NRG1: variants seen among roughly 807,000 people sequenced by gnomAD.
The protein encoded by NRG1 is pro-neuregulin-1, membrane-bound isoform.
In NRG1, 18 loss-of-function variants were observed where a neutral mutation model predicts 63.8. That is an observed-to-expected ratio of 0.28 (90% confidence interval 0.19 to 0.42). The LOEUF (loss-of-function observed/expected upper bound fraction) is 0.42. Among genes scored for constraint, NRG1 ranks in the 10% least tolerant of loss-of-function variants. The pLI, the probability that NRG1 is intolerant of heterozygous loss-of-function variation, is 1.00. For synonymous variants in NRG1, 302 were observed against 301.3 expected (o/e 1.00, Z -0.02); for missense variants, 762 against 814.7 (o/e 0.94, Z 0.79).
intron 1 of NRG1, among the ~76,000 whole-genome samples, chr8:31,963,202 A>G (rs1296252450): frequency 6.6e-6 from 1 of 152,224 alleles, no homozygotes; most frequent in South Asian, 2.1e-4. Flanking sequence ...GGCTGTGCCA[A>G]TGAAACAATA....
chr8:32,498,300 A>G (rs184340001), intron 1 of NRG1, among the ~76,000 whole-genome samples: 5 of 152,236 alleles, frequency 3.3e-5, no homozygotes, highest in African/African-American at 1.2e-4. Context: ...AACTAATGGA[A>G]GGTATATTAG....
At chr8:31,684,519 G>A (rs939993221) in intron 1 of NRG1, among the ~76,000 whole-genome samples, 41 of 152,302 alleles carry the variant, frequency 2.7e-4, no homozygotes, top group African/African-American at 9.9e-4. Context: ...ATTACAAAGT[G>A]TCAGGTATTT....
At chr8:32,355,239 G>T (rs2129480209) in intron 1 of NRG1, among the ~76,000 whole-genome samples, 1 of 152,194 alleles carries the variant, frequency 6.6e-6, no homozygotes, top group South Asian at 2.1e-4. Flanking sequence ...TGGGCAGATT[G>T]CCTGAGCTCA....
intron 1 of NRG1, among the ~76,000 whole-genome samples, chr8:32,432,333 A>G (rs1243372261): frequency 6.6e-6 from 1 of 152,134 alleles, no homozygotes; most frequent in African/African-American, 2.4e-5. Context: ...TAAACCTCTC[A>G]ACTCCCTATA....
At chr8:31,998,554 TAGGTTCTTTGGA>T (rs1211522335) in intron 1 of NRG1, among the ~76,000 whole-genome samples, 12 of 151,994 alleles carry the variant, frequency 7.9e-5, no homozygotes, top group Non-Finnish European at 4.4e-5. Context: ...TAACTGTATA[TAGGTTCTTTGGA>T]GATAGCTCAT....
intron 5 of NRG1, among the ~76,000 whole-genome samples, chr8:32,708,404 A>G (rs1427686131): frequency 1.3e-5 from 2 of 152,212 alleles, no homozygotes; most frequent in Admixed American, 6.5e-5. Flanking sequence ...TGAAACTCCA[A>G]AATTGTATGC....
chr8:32,440,123 G>A (rs4436087), intron 1 of NRG1, among the ~76,000 whole-genome samples: 16,206 of 151,996 alleles, frequency 0.11, 1,156 homozygotes, highest in Admixed American at 0.24. Flanking sequence ...GAGAGAGAGT[G>A]AGAGGGGAAC....
chr8:31,713,005 CCATCCATCCATCCATCCATCCTT>C (rs1811954403), intron 1 of NRG1, among the ~76,000 whole-genome samples: 1 of 151,708 alleles, frequency 6.6e-6, no homozygotes, highest in Admixed American at 6.6e-5. Context: ...ATCCATCCAT[CCATCCATCCATCCATCCATCCTT>C]CTTTCTTTTC....
At chr8:32,191,918 C>T (rs948580102) in intron 1 of NRG1, 3 of 152,248 alleles carry the variant, frequency 2.0e-5, no homozygotes, top group Non-Finnish European at 4.4e-5. Flanking sequence ...GATCTTCCAC[C>T]ATCAGAGTCA....
chr8:32,603,302 G>A (rs1430236374), intron 2 of NRG1, among the ~76,000 whole-genome samples: 1 of 152,062 alleles, frequency 6.6e-6, no homozygotes, highest in Non-Finnish European at 1.5e-5. Flanking sequence ...TCCCTTTTCG[G>A]GGAGTCAGAG....
intron 1 of NRG1, among the ~76,000 whole-genome samples, chr8:32,322,453 A>G (rs1041944121): frequency 6.6e-6 from 1 of 151,910 alleles, no homozygotes; most frequent in Non-Finnish European, 1.5e-5. Flanking sequence ...ATGTATTAAG[A>G]TAGAATAATT....
intron 1 of NRG1, among the ~76,000 whole-genome samples, chr8:32,261,583 T>C (rs1306359968): frequency 6.6e-6 from 1 of 152,140 alleles, no homozygotes; most frequent in Non-Finnish European, 1.5e-5. Context: ...TGAAGAATGT[T>C]TGTAAAATAC....
At chr8:32,012,857 G>A (rs950001764) in intron 1 of NRG1, among the ~76,000 whole-genome samples, 5 of 152,132 alleles carry the variant, frequency 3.3e-5, no homozygotes, top group African/African-American at 1.2e-4. Flanking sequence ...GTATTTGTGA[G>A]TGAGAGGGAG....
chr8:32,684,942 G>A (rs916904940), intron 5 of NRG1, among the ~76,000 whole-genome samples: 1 of 152,000 alleles, frequency 6.6e-6, no homozygotes, highest in Non-Finnish European at 1.5e-5. Flanking sequence ...TTTTGAGTTT[G>A]AGATAATTTT....
chr8:32,670,399 T>C (rs868461736), intron 5 of NRG1, among the ~76,000 whole-genome samples: 1 of 152,120 alleles, frequency 6.6e-6, no homozygotes, highest in East Asian at 1.9e-4. Flanking sequence ...TCTTCTTCAT[T>C]GAGTTTTCCA....
intron 1 of NRG1, among the ~76,000 whole-genome samples, chr8:32,037,857 T>A (rs1013553940): frequency 2.0e-5 from 3 of 152,192 alleles, no homozygotes; most frequent in Admixed American, 1.3e-4. Context: ...CTTCTTAGGC[T>A]GTCTCCAACC....
At chr8:32,663,843 T>C (rs1424444509) in intron 5 of NRG1, among the ~76,000 whole-genome samples, 1 of 152,136 alleles carries the variant, frequency 6.6e-6, no homozygotes, top group Non-Finnish European at 1.5e-5. Context: ...TCTCTTTACA[T>C]CCCTGTCCTC....
intron 1 of NRG1, among the ~76,000 whole-genome samples, chr8:31,914,608 T>G (rs1216925184): frequency 6.6e-6 from 1 of 152,132 alleles, no homozygotes; most frequent in East Asian, 1.9e-4. Flanking sequence ...TTCTTGAGTG[T>G]TTGAGACAAA....
chr8:31,942,586 GCAGAGTTAACAGACAATCCA>G (rs1399398732), intron 1 of NRG1, among the ~76,000 whole-genome samples: 2 of 152,032 alleles, frequency 1.3e-5, no homozygotes, highest in African/African-American at 4.8e-5. Flanking sequence ...AAAATAATCA[GCAGAGTTAACAGACAATCCA>G]CAGAGTAGGA....
Sources: allele counts gnomAD v4.1 joint callset (sites outside exome capture counted in the v4.1 genomes callset), GRCh38; gene constraint gnomAD v4.1.1; transcripts MANE v1.5; gene names NCBI Gene and HGNC (gene_info 2026-07-23, HGNC 2026-07-21).